The following SKI variants were observed in gnomAD, a reference collection of about 807,000 sequenced individuals.
SKI encodes SKI proto-oncogene.
In SKI, 23 loss-of-function variants were observed where a neutral mutation model predicts 59.3. That is an observed-to-expected ratio of 0.39 (90% CI 0.28 to 0.55). The LOEUF (loss-of-function observed/expected upper bound fraction) is 0.55. Ranked by LOEUF, SKI falls within the 20% of genes least tolerant of loss-of-function variation. SKI has a pLI of 0.67. For missense variants in SKI, 1,017 were observed against 1,038.9 expected (o/e 0.98, Z 0.29); for synonymous variants, 673 against 488.6 (o/e 1.38, Z -4.98).
intron 1 of SKI, among the ~76,000 whole-genome samples, chr1:2,258,171 G>C (rs184799817): frequency 5.3e-5 from 8 of 152,368 alleles, no homozygotes; most frequent in Non-Finnish European, 2.9e-5. Context: ...TGGACAGCCA[G>C]ATGTTATTGT....
rs914210057 is a variant in SKI, at chr1:2,303,721, A to C, written c.1212-119A>C. 2 of 1,361,638 alleles carry C rather than the reference A, an allele frequency of 1.5e-6. No individual in the cohort carries two copies. Among genetic ancestry groups the C allele is most frequent in the African/African-American group, 2.9e-5 (2 of 69,418 alleles). 84.3% of individuals were successfully genotyped at this position (1,361,638 alleles called of 1,614,324 possible). A position where few individuals can be genotyped will look rare whatever the true frequency, so the allele number is the denominator to read the frequency against. On this transcript the variant is annotated intron_variant, in intron 3 of 6. Coordinates refer to ENST00000378536, the MANE Select transcript of SKI (RefSeq NM_003036.4). This position sits in a 1 kb window ranked among gnomAD's most constrained non-coding sequence, Gnocchi z 5.6. ...TTAGGGAACTGTAAGCTTGACTTGA[A>C]GATTCGGAGCTGGGAAAGTCTTTCC...
intron 1 of SKI, among the ~76,000 whole-genome samples, chr1:2,235,192 C>T (rs1047260604): frequency 6.6e-6 from 1 of 152,140 alleles, no homozygotes; most frequent in Non-Finnish European, 1.5e-5. Context: ...CAGATGTGTG[C>T]CACCACACCC....
At chr1:2,254,734 G>A (rs977727473) in intron 1 of SKI, among the ~76,000 whole-genome samples, 2 of 141,612 alleles carry the variant, frequency 1.4e-5, no homozygotes, top group East Asian at 5.6e-4. Flanking sequence ...CACTGCGTGC[G>A]TGTGTGTGTG....
chr1:2,264,294 G>T (rs1277337874), intron 1 of SKI, among the ~76,000 whole-genome samples: 1 of 152,126 alleles, frequency 6.6e-6, no homozygotes, highest in Non-Finnish European at 1.5e-5. Context: ...ATTTGAGATG[G>T]AGTCTTGCTC....
intron 1 of SKI, among the ~76,000 whole-genome samples, chr1:2,272,739 A>G (rs2132596): frequency 1.2e-4 from 19 of 152,170 alleles, no homozygotes; most frequent in Admixed American, 7.2e-4. Context: ...TGTTCTGTCA[A>G]TAGCGTGTTG....
intron 1 of SKI, among the ~76,000 whole-genome samples, chr1:2,260,539 T>C (rs112482078): frequency 2.4e-5 from 3 of 124,634 alleles, no homozygotes; most frequent in Non-Finnish European, 3.3e-5. Flanking sequence ...CTTTTTCTTT[T>C]TTTTTTTTTT....
At chr1:2,257,064 A>G (rs998984154) in intron 1 of SKI, among the ~76,000 whole-genome samples, 6 of 152,218 alleles carry the variant, frequency 3.9e-5, no homozygotes, top group Admixed American at 3.3e-4. Context: ...CCGCCTTATC[A>G]TGAGCACTTT....
At chr1:2,306,367 A>C in intron 6 of SKI, 117 bp downstream of exon 6, 1 of 1,095,720 alleles carries the variant, frequency 9.1e-7, no homozygotes, top group Non-Finnish European at 1.3e-6. Flanking sequence ...GCCCGGGACC[A>C]CGTTCCGTGC....
At chr1:2,275,485 T>C (rs1216614367) in intron 1 of SKI, among the ~76,000 whole-genome samples, 1 of 151,522 alleles carries the variant, frequency 6.6e-6, no homozygotes, top group Admixed American at 6.6e-5. Context: ...GGATGAGGGG[T>C]GTGGGGAGAG....
chr1:2,275,256 C>T (rs1052796047), intron 1 of SKI, among the ~76,000 whole-genome samples: 5 of 152,216 alleles, frequency 3.3e-5, no homozygotes, highest in African/African-American at 9.6e-5. Flanking sequence ...GTGGCCGGCC[C>T]ACGGCTCCGC....
At position 2,229,798 on chromosome 1, in the gene SKI, T is replaced by A. The variant is rs1237500307; in HGVS notation, c.969+63T>A. The A allele has an allele frequency of 6.5e-7, 1 of 1,548,464 alleles. No individual in the cohort carries two copies. Among genetic ancestry groups the A allele is most frequent in the East Asian group, 2.4e-5 (1 of 40,904 alleles). ...CTTGGGGTGGGGGCCCCTTCTGGAC[T>A]ACAGGCTCTGGTCTCCGAAGGCTGG... On this transcript the variant is annotated intron_variant, in intron 1 of 6. Coordinates refer to ENST00000378536, the MANE Select transcript of SKI (RefSeq NM_003036.4). This position sits in a 1 kb window ranked among gnomAD's most constrained non-coding sequence, Gnocchi z 6.3.
chr1:2,232,778 CCT>C (rs1638667117), intron 1 of SKI: 1 of 152,380 alleles, frequency 6.6e-6, no homozygotes, highest in Non-Finnish European at 1.5e-5. Context: ...AGTTGCTTAA[CCT>C]CTCTGCCTCA....
intron 1 of SKI, among the ~76,000 whole-genome samples, chr1:2,257,541 C>T (rs573788508): frequency 1.3e-5 from 2 of 152,184 alleles, no homozygotes; most frequent in Non-Finnish European, 2.9e-5. Flanking sequence ...CCTATGTGTG[C>T]TTGAGCTCGA....
intron 1 of SKI, among the ~76,000 whole-genome samples, chr1:2,282,810 C>T (rs1388302099): frequency 1.3e-5 from 2 of 152,196 alleles, no homozygotes; most frequent in Non-Finnish European, 2.9e-5. Context: ...GCGCCCAGCA[C>T]ATGCTACTAG....
At chr1:2,306,370 T>TGG in intron 6 of SKI, 120 bp downstream of exon 6, 1 of 1,073,962 alleles carries the variant, frequency 9.3e-7, no homozygotes, top group Non-Finnish European at 1.3e-6. Flanking sequence ...CGGGACCACG[T>TGG]TCCGTGCGTG....
intron 1 of SKI, among the ~76,000 whole-genome samples, chr1:2,291,506 G>A (rs1291668200): frequency 6.6e-6 from 1 of 152,244 alleles, no homozygotes. Context: ...CCTGGTGGAC[G>A]CCTCAGACCG....
rs762997111 is a variant in SKI, at chr1:2,308,470, T to A, written c.*1705T>A. 1 of 152,172 alleles carries A rather than the reference T, an allele frequency of 6.6e-6. No individual in the cohort carries two copies. The highest frequency in any genetic ancestry group is 2.1e-4 in the South Asian group (1 of 4,828). 9.4% of individuals were successfully genotyped at this position (152,172 alleles called of 1,614,324 possible). A position where few individuals can be genotyped will look rare whatever the true frequency, so the allele number is the denominator to read the frequency against. On this transcript the variant is annotated 3_prime_UTR_variant, in exon 7 of 7. Transcript: ENST00000378536. ...TCTTTGCTTTTGTTTTCTTTGCGGT[T>A]GTTCTGTGTGCATGGATTCCACACC...
At chr1:2,304,991 G>A (rs933110607) in intron 5 of SKI, among the ~76,000 whole-genome samples, 3 of 152,230 alleles carry the variant, frequency 2.0e-5, no homozygotes, top group Non-Finnish European at 4.4e-5. Context: ...TGTGCTCCAG[G>A]AGTGGGTGTT....
chr1:2,287,723 G>A (rs1254007031), intron 1 of SKI, among the ~76,000 whole-genome samples: 1 of 152,182 alleles, frequency 6.6e-6, no homozygotes, highest in Non-Finnish European at 1.5e-5. Context: ...CGTGGGGGTG[G>A]TCTCCCCCTA....
Sources: gnomAD v4.1 joint callset for allele counts (sites outside exome capture counted in the v4.1 genomes callset) on GRCh38, gnomAD v4.1.1 for gene constraint, Gnocchi (gnomAD v3.1) non-coding constraint, MANE v1.5 for transcripts, NCBI Gene and HGNC (gene_info 2026-07-23, HGNC 2026-07-21) for gene names.